The following MACROD2 variants were observed in gnomAD, a reference collection of about 807,000 sequenced individuals.
MACROD2 encodes the protein ADP-ribose glycohydrolase MACROD2.
MACROD2 carries 36 observed loss-of-function variants against 70.4 expected under a neutral mutation model. The ratio of observed to expected loss-of-function variants is 0.51; its 90% CI spans 0.39 to 0.68. MACROD2 has a LOEUF of 0.68. Among genes scored for constraint, MACROD2 ranks in the 30% least tolerant of loss-of-function variants. The pLI is 0.00. For missense variants in MACROD2, 496 were observed against 538.4 expected (o/e 0.92, Z 0.78); for synonymous variants, 172 against 178.8 (o/e 0.96, Z 0.30).
At chr20:15,517,167 AC>A (rs1203513677) in intron 8 of MACROD2, among the ~76,000 whole-genome samples, 1 of 152,162 alleles carries the variant, frequency 6.6e-6, no homozygotes, top group Non-Finnish European at 1.5e-5. Context: ...CCCGGTGGCC[AC>A]CACATACCAT....
chr20:15,436,946 G>T (rs148704283), intron 7 of MACROD2, among the ~76,000 whole-genome samples: 1 of 152,070 alleles, frequency 6.6e-6, no homozygotes, highest in African/African-American at 2.4e-5. Context: ...CACTTGGTGC[G>T]TGCTTCCCAT....
chr20:14,710,819 C>G (rs748404240), intron 5 of MACROD2, among the ~76,000 whole-genome samples: 18 of 152,142 alleles, frequency 1.2e-4, no homozygotes, highest in Non-Finnish European at 2.2e-4. Context: ...AAAACACATG[C>G]AACTGCACTG....
intron 6 of MACROD2, among the ~76,000 whole-genome samples, chr20:15,388,968 G>A (rs1319460814): frequency 1.3e-5 from 2 of 151,660 alleles, no homozygotes; most frequent in Non-Finnish European, 2.9e-5. Flanking sequence ...CTTCAGAAAG[G>A]AGGAAGTGGC....
At chr20:14,436,828 G>A (rs1487537151) in intron 3 of MACROD2, among the ~76,000 whole-genome samples, 8 of 152,172 alleles carry the variant, frequency 5.3e-5, no homozygotes, top group Non-Finnish European at 8.8e-5. Flanking sequence ...AGGACTTATG[G>A]ATTATTTGTG....
At chr20:14,271,797 A>C (rs1159874146) in intron 3 of MACROD2, among the ~76,000 whole-genome samples, 2 of 152,204 alleles carry the variant, frequency 1.3e-5, no homozygotes, top group East Asian at 3.9e-4. Flanking sequence ...AGAAGTGCTT[A>C]AAGGAGCTGA....
intron 3 of MACROD2, among the ~76,000 whole-genome samples, chr20:14,478,285 A>G (rs1008055447): frequency 2.6e-5 from 4 of 152,058 alleles, no homozygotes; most frequent in South Asian, 2.1e-4. Flanking sequence ...GAGGACCAAG[A>G]CTCATATCCC....
intron 4 of MACROD2, among the ~76,000 whole-genome samples, chr20:14,619,406 G>C (rs1297926909): frequency 6.5e-5 from 7 of 107,648 alleles, no homozygotes; most frequent in Non-Finnish European, 9.7e-5. Flanking sequence ...GGGGAGGAAG[G>C]AAGGAGGAAA....
At chr20:15,998,080 A>G (rs1029021078) in intron 15 of MACROD2, among the ~76,000 whole-genome samples, 5 of 152,152 alleles carry the variant, frequency 3.3e-5, no homozygotes, top group African/African-American at 9.7e-5. Flanking sequence ...TGAATTTGCT[A>G]GTAATTTGTT....
intron 5 of MACROD2, among the ~76,000 whole-genome samples, chr20:15,049,190 C>G (rs757620983): frequency 6.6e-6 from 1 of 150,914 alleles, no homozygotes; most frequent in Non-Finnish European, 1.5e-5. Flanking sequence ...GAATGATAAA[C>G]AGTAATGCCT....
chr20:15,905,649 G>A (rs175781), intron 10 of MACROD2, among the ~76,000 whole-genome samples: 3,120 of 152,234 alleles, frequency 0.02, 92 homozygotes, highest in African/African-American at 0.064. Context: ...TTATTTTGTC[G>A]TTAAGGAGAG....
chr20:14,117,120 T>C (rs376978453), intron 3 of MACROD2, among the ~76,000 whole-genome samples: 1 of 152,084 alleles, frequency 6.6e-6, no homozygotes, highest in Non-Finnish European at 1.5e-5. Context: ...ACATAGTATA[T>C]TCTTTACTTT....
intron 8 of MACROD2, among the ~76,000 whole-genome samples, chr20:15,692,559 T>G (rs548949693): frequency 1.3e-5 from 2 of 152,228 alleles, no homozygotes; most frequent in Admixed American, 6.5e-5. Flanking sequence ...CAGTTATATT[T>G]CTGGGAGCAA....
At chr20:15,533,582 T>TCTCTCTCTCTC (rs1568873655) in intron 8 of MACROD2, among the ~76,000 whole-genome samples, 1 of 148,042 alleles carries the variant, frequency 6.8e-6, no homozygotes, top group Admixed American at 6.8e-5. Flanking sequence ...TCTCTCTCTC[T>TCTCTCTCTCTC]TTTTAAGAAG....
intron 5 of MACROD2, among the ~76,000 whole-genome samples, chr20:14,968,119 T>C (rs2074655295): frequency 6.6e-6 from 1 of 152,188 alleles, no homozygotes; most frequent in African/African-American, 2.4e-5. Flanking sequence ...GTGTATAAAG[T>C]CTTTAAATTT....
At chr20:15,569,805 G>A (rs1373355894) in intron 8 of MACROD2, among the ~76,000 whole-genome samples, 4 of 152,146 alleles carry the variant, frequency 2.6e-5, no homozygotes, top group African/African-American at 9.7e-5. Flanking sequence ...TCATTCTACT[G>A]CAAATGACAG....
intron 5 of MACROD2, among the ~76,000 whole-genome samples, chr20:14,904,591 T>C (rs1568865334): frequency 1.3e-5 from 2 of 152,172 alleles, no homozygotes; most frequent in African/African-American, 4.8e-5. Flanking sequence ...AACTCATAAT[T>C]TGTTTGCTAT....
chr20:15,683,784 C>T (rs541161874), intron 8 of MACROD2, among the ~76,000 whole-genome samples: 38 of 152,080 alleles, frequency 2.5e-4, no homozygotes, highest in Admixed American at 5.9e-4. Context: ...TTCACCATGT[C>T]GGCCATGCTG....
intron 4 of MACROD2, among the ~76,000 whole-genome samples, chr20:14,529,051 T>C (rs772082791): frequency 1.3e-5 from 2 of 152,102 alleles, no homozygotes; most frequent in Non-Finnish European, 2.9e-5. Flanking sequence ...TCATATTCAG[T>C]GATTGCTCAG....
At chr20:15,833,868 T>G (rs1368299462) in intron 8 of MACROD2, among the ~76,000 whole-genome samples, 5 of 152,180 alleles carry the variant, frequency 3.3e-5, no homozygotes, top group Admixed American at 2.6e-4. Context: ...TGATCATCCT[T>G]GAGTCACTCA....
Sources: allele counts gnomAD v4.1 joint callset (sites outside exome capture counted in the v4.1 genomes callset), GRCh38; gene constraint gnomAD v4.1.1; transcripts MANE v1.5; gene names NCBI Gene and HGNC (gene_info 2026-07-23, HGNC 2026-07-21).